WDR33: variants seen among roughly 807,000 people sequenced by gnomAD.
WDR33 encodes the protein WD repeat domain 33, also known as pre-mRNA 3' end processing protein WDR33.
WDR33 carries 47 observed loss-of-function variants against 164.9 expected under a neutral mutation model. The ratio of observed to expected loss-of-function variants is 0.29; its 90% confidence interval spans 0.23 to 0.36. The LOEUF (loss-of-function observed/expected upper bound fraction) is 0.36. WDR33 is among the 10% of genes least tolerant of loss of function. The probability of loss-of-function intolerance (pLI) is 1.00; values close to 1 mark genes in which losing one functional copy is unlikely to be tolerated. For synonymous variants in WDR33, 505 were observed against 589.0 expected (o/e 0.86, Z 2.06); for missense variants, 1,137 against 1,754.1 (o/e 0.65, Z 6.28).
intron 7 of WDR33, among the ~76,000 whole-genome samples, chr2:127,731,294 C>CAAAAAAAAAA (rs35161101): frequency 2.8e-5 from 2 of 70,316 alleles, no homozygotes; most frequent in East Asian, 4.1e-4. Context: ...GACCCTGCCT[C>CAAAAAAAAAA]AAAAAAAAAA....
At position 127,710,821 on chromosome 2, in the gene WDR33, T is replaced by C. The variant is rs1686142812; in HGVS notation, c.3309-965A>G. ...CATTCCATTGCCTTTATCCTAATCT[T>C]CTACTTGGAAGATTTTCAAACTTAC... On this transcript the variant is annotated intron_variant, in intron 18 of 21. Coordinates refer to ENST00000322313, the MANE Select transcript of WDR33 (RefSeq NM_018383.5). The surrounding 1 kb of genome is among the most constrained non-coding windows in gnomAD (Gnocchi z 4.4). 6.6e-6 allele frequency among the ~76,000 whole-genome samples: 1 copy of C among 152,176 alleles called. No homozygotes were observed. Among genetic ancestry groups the C allele is most frequent in the Non-Finnish European group, 1.5e-5 (1 of 68,024 alleles).
At chr2:127,750,686 ATATATATATATATATATATATATATATG>A (rs1412015944) in intron 7 of WDR33, among the ~76,000 whole-genome samples, 2 of 48,882 alleles carry the variant, frequency 4.1e-5, no homozygotes, top group South Asian at 1.2e-3. Context: ...AAATATATAT[ATATATATATATATATATATATATATATG>A]TATGTATGCA....
chr2:127,720,007 C>T lies in WDR33; in HGVS notation c.2018G>A (p.Gly673Glu). ...AGGATGCCTCTGCATTCCTTGGGGC[C>T]CATGCATGTCCTGAGGCCGTGGCAA... ...QGLPRPQDMH[G>E]PQGMQRHPGP... Residue 673 changes from glycine (G) to glutamate (E), a missense_variant, in exon 16 of 22, where the codon GGG becomes GAG. Physicochemically the swap from Gly to Glu is moderately conservative, Grantham distance 98. Around this residue, in one of 9 missense-constraint regions of WDR33, gnomAD observed 867 missense variants for 1,073.0 expected, o/e 0.81. Transcript: ENST00000322313. The surrounding 1 kb of genome is among the most constrained non-coding windows in gnomAD (Gnocchi z 5.9). 1 of 1,613,762 alleles carries T rather than the reference C, an allele frequency of 6.2e-7. No homozygotes were observed. The highest frequency in any genetic ancestry group is 8.5e-7 in the Non-Finnish European group (1 of 1,179,892).
chr2:127,709,923 A>G lies in WDR33; in HGVS notation c.3309-67T>C. 5.2e-6 allele frequency: 8 copies of G among 1,552,526 alleles called. No homozygotes were observed. The highest frequency in any genetic ancestry group is 6.1e-6 in the Non-Finnish European group (7 of 1,144,468). On this transcript the variant is annotated intron_variant, in intron 18 of 21. Transcript: ENST00000322313. This position sits in a 1 kb window ranked among gnomAD's most constrained non-coding sequence, Gnocchi z 5.0. ...CTTGCCACTCTAAGTTCATGTTTCA[A>G]AGAAGCATATGATATGAGAAAGCAT...
chr2:127,716,728 A>C lies in WDR33; in HGVS notation c.2869+427T>G, dbSNP rs945517407. On this transcript the variant is annotated intron_variant, in intron 17 of 21. Coordinates refer to ENST00000322313, the MANE Select transcript of WDR33 (RefSeq NM_018383.5). The surrounding 1 kb of genome is among the most constrained non-coding windows in gnomAD (Gnocchi z 4.5). The stretch of plus-strand genomic sequence containing the variant: ...TTCTTTTCAAATGGTGCACAACTAC[A>C]TAACCAGCTGAAGAGTTCAATGTGT... Among the ~76,000 whole-genome samples the C allele has an allele frequency of 5.3e-5, 8 of 152,256 alleles. No individual in the cohort carries two copies. Among genetic ancestry groups the C allele is most frequent in the African/African-American group, 1.9e-4 (8 of 41,472 alleles).
chr2:127,761,794 A>G lies in WDR33; in HGVS notation c.724+1268T>C, dbSNP rs1445832508. ...CTCTGTCTCGTTCTGAAGTTATACA[A>G]TATTATGACCTTTATAGTGAGTAAA... On this transcript the variant is annotated intron_variant, in intron 7 of 21. Transcript: ENST00000322313. Among the ~76,000 whole-genome samples the G allele has an allele frequency of 2.0e-5, 3 of 152,174 alleles. No homozygotes were observed. The East Asian group carries it at 5.8e-4, about 29-fold the overall frequency.
In WDR33 at chr2:127,779,941, T is replaced by C. The variant is rs751721975; in HGVS notation, c.-23-8937A>G. Among the ~76,000 whole-genome samples the C allele has an allele frequency of 2.0e-5, 3 of 152,146 alleles. No homozygotes were observed. In the South Asian group the frequency reaches 6.2e-4, roughly 32 times the overall value. On this transcript the variant is annotated intron_variant, in intron 1 of 21. Transcript: ENST00000322313. ...TGCATTAACTAGCTAGCAATTCATA[T>C]AGGACTTTTAAAAATAATAAAAAGG... is the stretch of plus-strand genomic sequence containing the variant.
At chr2:127,777,486 G>A (rs905837298) in intron 1 of WDR33, among the ~76,000 whole-genome samples, 2 of 152,160 alleles carry the variant, frequency 1.3e-5, no homozygotes, top group Admixed American at 6.5e-5. Context: ...TTCTCAACCT[G>A]TAAAATGAGT....
In WDR33 at chr2:127,735,017, T is replaced by C. The variant is rs970863005; in HGVS notation, c.725-8240A>G. On this transcript the variant is annotated intron_variant, in intron 7 of 21. Transcript: ENST00000322313. This position sits in a 1 kb window ranked among gnomAD's most constrained non-coding sequence, Gnocchi z 4.3. ...AAACCTTAAAATTCTAAGAATAACA[T>C]GATAAATGGATTAGGTATTAGATAT... 6.6e-6 allele frequency among the ~76,000 whole-genome samples: 1 copy of C among 152,148 alleles called. No individual in the cohort carries two copies. The highest frequency in any genetic ancestry group is 2.4e-5 in the African/African-American group (1 of 41,432).
rs1226833565 is a variant in WDR33 at position 127,764,728 on chromosome 2, A to G, written c.626+100T>C. On this transcript the variant is annotated intron_variant, in intron 6 of 21. Transcript: ENST00000322313. This position sits in a 1 kb window ranked among gnomAD's most constrained non-coding sequence, Gnocchi z 6.2. ...TTATAGGGTGCAGAAAGTTTCCCAGAAACTGACAGAGCCCATGCATCTCTG... is the reference window on the plus strand; with the variant it reads ...TTATAGGGTGCAGAAAGTTTCCCAGGAACTGACAGAGCCCATGCATCTCTG... The G allele has an allele frequency of 6.2e-7, 1 of 1,614,132 alleles. No individual in the cohort carries two copies. The highest frequency in any genetic ancestry group is 1.7e-5 in the Admixed American group (1 of 60,010).
intron 3 of WDR33, 45 bp from the exon 4 acceptor site, chr2:127,768,338 C>A: frequency 1.6e-6 from 2 of 1,230,284 alleles, no homozygotes; most frequent in Non-Finnish European, 2.2e-6. Context: ...TGATTACATA[C>A]AAGGCAGAAA....
At chr2:127,796,232 C>T (rs562158978) in intron 1 of WDR33, among the ~76,000 whole-genome samples, 1 of 151,886 alleles carries the variant, frequency 6.6e-6, no homozygotes, top group African/African-American at 2.4e-5. Flanking sequence ...GCCACCACAT[C>T]TGGCTAATTT....
Position 127,719,381 on chromosome 2 carries a change from CG to C in WDR33, c.2643del (p.Gly882AspfsTer29), listed in dbSNP as rs1558922551. Reference protein sequence around the residue: ...PPPQGGMQGPPGPQGQQNPAR... With the variant: ...PPPQGGMQGPXGPQGQQNPAR... ...GCTGGGTTCTGCTGTCCCTGAGGTCCGGGGGGTCCTTGCATGCCACCCTGGG... is the reference window on the plus strand; with the variant it reads ...GCTGGGTTCTGCTGTCCCTGAGGTCCGGGGGTCCTTGCATGCCACCCTGGG... On this transcript the variant is annotated frameshift_variant, in exon 16 of 22. Transcript: ENST00000322313. LOFTEE classifies it high-confidence loss of function. The surrounding 1 kb of genome is among the most constrained non-coding windows in gnomAD (Gnocchi z 6.5). The C allele has an allele frequency of 7.2e-6, 11 of 1,521,336 alleles. No homozygotes were observed. Among genetic ancestry groups the C allele is most frequent in the Admixed American group, 4.5e-5 (2 of 44,834 alleles). The allele number at this position is 1,521,336 out of a possible 1,614,324, so 94.2% of individuals were successfully genotyped here.
Position 127,763,716 on chromosome 2 carries a change from T to C in WDR33, c.627-557A>G. 1.0e-6 allele frequency: 1 copy of C among 985,674 alleles called. No homozygotes were observed. Among genetic ancestry groups the C allele is most frequent in the Non-Finnish European group, 1.2e-6 (1 of 830,092 alleles). The allele number at this position is 985,674 out of a possible 1,614,324, so 61.1% of individuals were successfully genotyped here. ...TTCCTGGCAAGCTATTCCATGAATG[T>C]TGCACCTTTGAGGAAAACTTTAAAA... On this transcript the variant is annotated intron_variant, in intron 6 of 21. Coordinates refer to ENST00000322313, the MANE Select transcript of WDR33 (RefSeq NM_018383.5). The surrounding 1 kb of genome is among the most constrained non-coding windows in gnomAD (Gnocchi z 4.5).
chr2:127,770,289 T>C lies in WDR33; in HGVS notation c.204+489A>G, dbSNP rs1687958872. Among the ~76,000 whole-genome samples the C allele has an allele frequency of 6.6e-6, 1 of 152,226 alleles. No individual in the cohort carries two copies. Among genetic ancestry groups the C allele is most frequent in the Non-Finnish European group, 1.5e-5 (1 of 68,034 alleles). On this transcript the variant is annotated intron_variant, in intron 2 of 21. Transcript: ENST00000322313. This position sits in a 1 kb window ranked among gnomAD's most constrained non-coding sequence, Gnocchi z 4.9. ...ACAGAATTTTATAAAGTATTAGTGG[T>C]TTGAGGTTCTTCCTAAATTAGCCAA...
At position 127,770,782 on chromosome 2, in the gene WDR33, A is replaced by C. The variant is rs1236497940; in HGVS notation, c.200T>G (p.Leu67Trp). The change falls in exon 2 of 22, where the codon TTG becomes TGG. Residue 67 changes from leucine (L) to tryptophan (W), a missense_variant. Around this residue, in one of 9 missense-constraint regions of WDR33, gnomAD observed 55 missense variants for 84.6 expected, o/e 0.65. Coordinates refer to ENST00000322313, the MANE Select transcript of WDR33 (RefSeq NM_018383.5). The surrounding 1 kb of genome is among the most constrained non-coding windows in gnomAD (Gnocchi z 4.9). ...AAGCACATAAATCAGGCTTACCTCC[A>C]AATACTTAATTACAGATGGATTGTA... ...IDYNPSVIKY[L>W]ENRIWQRDQR... 1 of 1,613,334 alleles carries C rather than the reference A, an allele frequency of 6.2e-7. No homozygotes were observed. Among genetic ancestry groups the C allele is most frequent in the Non-Finnish European group, 8.5e-7 (1 of 1,179,554 alleles).
At position 127,709,479 on chromosome 2, in the gene WDR33, CT is replaced by C. The variant is rs1213450032; in HGVS notation, c.3565+10del. On this transcript the variant is annotated intron_variant, in intron 20 of 21. Transcript: ENST00000322313. This position sits in a 1 kb window ranked among gnomAD's most constrained non-coding sequence, Gnocchi z 5.0. Reference sequence around the variant, plus strand: ...GTCTAGAGTTACCCAACAAGCGGTTCTTTTCCTTACCAGGCTCTCTGTTTCC... The same window carrying C: ...GTCTAGAGTTACCCAACAAGCGGTTCTTTCCTTACCAGGCTCTCTGTTTCC... 6.2e-7 allele frequency: 1 copy of C among 1,613,618 alleles called. No homozygotes were observed. The highest frequency in any genetic ancestry group is 8.5e-7 in the Non-Finnish European group (1 of 1,179,552).
intron 7 of WDR33, chr2:127,762,592 G>C (rs1216605299): frequency 1.9e-5 from 19 of 986,736 alleles, no homozygotes; most frequent in Middle Eastern, 5.2e-4. Context: ...CGGCCATGTA[G>C]TACAAATGTG....
chr2:127,701,884 C>A lies in WDR33; in HGVS notation c.*4439G>T. 2.1e-6 allele frequency: 3 copies of A among 1,457,074 alleles called. No individual in the cohort carries two copies. The highest frequency in any genetic ancestry group is 2.6e-5 in the South Asian group (2 of 77,404). 90.3% of individuals were successfully genotyped at this position (1,457,074 alleles called of 1,614,324 possible). On this transcript the variant is annotated 3_prime_UTR_variant, in exon 22 of 22. Coordinates refer to ENST00000322313, the MANE Select transcript of WDR33 (RefSeq NM_018383.5). Reference sequence around the variant, plus strand: ...CTCTGGTCACTGGGCTCGGCGCTGGCGTTGGCGGGAAGCGCGCTGCTGCGG... The same window carrying A: ...CTCTGGTCACTGGGCTCGGCGCTGGAGTTGGCGGGAAGCGCGCTGCTGCGG...
Sources: allele counts gnomAD v4.1 joint callset (sites outside exome capture counted in the v4.1 genomes callset), GRCh38; gene constraint gnomAD v4.1.1; regional missense constraint gnomAD v4.1.1; non-coding constraint Gnocchi (gnomAD v3.1); transcripts MANE v1.5; gene names NCBI Gene and HGNC (gene_info 2026-07-23, HGNC 2026-07-21).